DLG2: variants seen among roughly 807,000 people sequenced by gnomAD.
The protein encoded by DLG2 is discs large MAGUK scaffold protein 2, also known as disks large homolog 2.
DLG2 carries 45 observed loss-of-function variants against 132.5 expected under a neutral mutation model. The ratio of observed to expected loss-of-function variants is 0.34; its 90% confidence interval spans 0.27 to 0.44. The LOEUF (loss-of-function observed/expected upper bound fraction) is 0.44. Among genes scored for constraint, DLG2 ranks in the 20% least tolerant of loss-of-function variants. The pLI is 1.00. For missense variants in DLG2, 1,045 were observed against 1,196.9 expected (o/e 0.87, Z 1.87); for synonymous variants, 424 against 419.6 (o/e 1.01, Z -0.13).
At chr11:84,981,867 C>A (rs569616858) in intron 6 of DLG2, among the ~76,000 whole-genome samples, 1 of 152,052 alleles carries the variant, frequency 6.6e-6, no homozygotes, top group Non-Finnish European at 1.5e-5. Flanking sequence ...CCTCACTCCA[C>A]GCAAAGAGCT....
chr11:83,805,403 A>G (rs1406323436), intron 17 of DLG2, among the ~76,000 whole-genome samples: 1 of 151,778 alleles, frequency 6.6e-6, no homozygotes, highest in Admixed American at 6.6e-5. Flanking sequence ...TATTTTTGAT[A>G]TATCATGACA....
At chr11:84,866,944 G>T (rs1566202218) in intron 6 of DLG2, among the ~76,000 whole-genome samples, 1 of 152,048 alleles carries the variant, frequency 6.6e-6, no homozygotes, top group African/African-American at 2.4e-5. Flanking sequence ...TAAAGGCAGG[G>T]GCCATAGTTG....
chr11:84,578,839 C>G (rs2099509614), intron 6 of DLG2, among the ~76,000 whole-genome samples: 1 of 152,098 alleles, frequency 6.6e-6, no homozygotes. Context: ...GGCTGTGACC[C>G]TACCGAAATC....
Position 85,021,140 on chromosome 11 carries a change from T to C in DLG2, c.357+90521A>G, listed in dbSNP as rs2060028011. ...TCATCTGCTTTCAACTTTCCAGACT[T>C]AGAAGATCCCCGCTGCCCATTCTTA... On this transcript the variant is annotated intron_variant, in intron 6 of 27. Transcript: ENST00000376104. The C allele has an allele frequency of 3.2e-5, 26 of 822,488 alleles. No individual in the cohort carries two copies. In the Admixed American group the frequency reaches 4.4e-4, roughly 14 times the overall value. The allele number at this position is 822,488 out of a possible 1,614,324, so 50.9% of individuals were successfully genotyped here.
intron 7 of DLG2, among the ~76,000 whole-genome samples, chr11:84,327,118 T>C (rs1342708753): frequency 1.4e-5 from 2 of 145,934 alleles, no homozygotes; most frequent in African/African-American, 5.1e-5. Context: ...GAATCTTTTT[T>C]TTTTTTTTTT....
rs187698207 is a variant in DLG2, at chr11:83,773,013, A to G, written c.1825+13677T>C. ...TAAAAATAAAGTTAATATACCACCA[A>G]GCATTCACTCATCAAACAGGTAAAT... On this transcript the variant is annotated intron_variant, in intron 18 of 27. Transcript: ENST00000376104. Among the ~76,000 whole-genome samples the G allele has an allele frequency of 1.4e-4, 22 of 152,368 alleles. No homozygotes were observed. The East Asian group carries it at 4.0e-3, about 28-fold the overall frequency.
At chr11:85,258,598 T>TTTGTAAG (rs2152709488) in intron 4 of DLG2, among the ~76,000 whole-genome samples, 1 of 152,314 alleles carries the variant, frequency 6.6e-6, no homozygotes, top group South Asian at 2.1e-4. Context: ...ATTTTTAATG[T>TTTGTAAG]TTGTAAGCAT....
At chr11:84,205,694 A>G (rs1003859215) in intron 8 of DLG2, among the ~76,000 whole-genome samples, 1 of 152,146 alleles carries the variant, frequency 6.6e-6, no homozygotes, top group African/African-American at 2.4e-5. Flanking sequence ...GGACTCAGCT[A>G]AAGTGGTGCT....
At chr11:84,734,622 C>A (rs2063586408) in intron 6 of DLG2, among the ~76,000 whole-genome samples, 1 of 152,234 alleles carries the variant, frequency 6.6e-6, no homozygotes, top group East Asian at 1.9e-4. Context: ...AATTGAATAC[C>A]CTTTATTCCT....
chr11:83,570,934 G>A (rs948563444), intron 19 of DLG2, among the ~76,000 whole-genome samples: 21 of 152,274 alleles, frequency 1.4e-4, no homozygotes, highest in African/African-American at 4.8e-4. Flanking sequence ...CCAGGCTGGA[G>A]TGCAGTGGCC....
chr11:83,474,241 C>A (rs1038109626), intron 22 of DLG2, among the ~76,000 whole-genome samples: 1 of 151,992 alleles, frequency 6.6e-6, no homozygotes, highest in Non-Finnish European at 1.5e-5. Context: ...AAGAATGATT[C>A]CCTTTGAATA....
intron 6 of DLG2, among the ~76,000 whole-genome samples, chr11:85,052,064 T>G (rs1381026809): frequency 6.6e-6 from 1 of 152,158 alleles, no homozygotes; most frequent in African/African-American, 2.4e-5. Flanking sequence ...GCTAGAAAAT[T>G]TCTCTTTTGG....
intron 6 of DLG2, among the ~76,000 whole-genome samples, chr11:84,810,128 T>C (rs908414010): frequency 1.3e-5 from 2 of 152,002 alleles, no homozygotes; most frequent in Admixed American, 6.6e-5. Context: ...TTAATCAAAA[T>C]TGAAAACACT....
At chr11:85,322,231 T>G (rs1453164372) in intron 3 of DLG2, among the ~76,000 whole-genome samples, 1 of 152,068 alleles carries the variant, frequency 6.6e-6, no homozygotes, top group African/African-American at 2.4e-5. Flanking sequence ...CCGCCACCCA[T>G]AAGCCCCTTT....
intron 7 of DLG2, among the ~76,000 whole-genome samples, chr11:84,416,552 A>G (rs979675598): frequency 6.6e-6 from 1 of 152,256 alleles, no homozygotes; most frequent in African/African-American, 2.4e-5. Flanking sequence ...TCTGCTAGAT[A>G]AGAAGGCAAT....
rs1189684480 is a variant in DLG2 at position 83,967,018 on chromosome 11, T to A, written c.1057-1550A>T. On this transcript the variant is annotated intron_variant, in intron 12 of 27. Coordinates refer to ENST00000376104, the MANE Select transcript of DLG2 (RefSeq NM_001142699.3). ...GTTCCTTCTGTTCTGGCTTACTTCA[T>A]TTAGCATAATGCCCTCCAAGTCTAC... Among the ~76,000 whole-genome samples, 4 of 152,114 alleles carry A rather than the reference T, an allele frequency of 2.6e-5. No individual in the cohort carries two copies. The East Asian group carries it at 7.7e-4, about 29-fold the overall frequency.
chr11:84,783,724 T>C (rs952019402), intron 6 of DLG2, among the ~76,000 whole-genome samples: 1 of 152,214 alleles, frequency 6.6e-6, no homozygotes, highest in Non-Finnish European at 1.5e-5. Flanking sequence ...GTCTCAACTC[T>C]AATGCAACTG....
intron 6 of DLG2, among the ~76,000 whole-genome samples, chr11:84,669,895 A>C (rs1595376780): frequency 1.3e-5 from 2 of 152,300 alleles, no homozygotes; most frequent in African/African-American, 4.8e-5. Flanking sequence ...AAGAAAGAGT[A>C]GCATTGAACT....
intron 18 of DLG2, among the ~76,000 whole-genome samples, chr11:83,691,138 A>C (rs2080923411): frequency 6.6e-6 from 1 of 152,126 alleles, no homozygotes; most frequent in Admixed American, 6.6e-5. Flanking sequence ...GTAGGTTCAG[A>C]GAGGTTGTCA....
Sources: gnomAD v4.1 joint callset for allele counts (sites outside exome capture counted in the v4.1 genomes callset) on GRCh38, gnomAD v4.1.1 for gene constraint, MANE v1.5 for transcripts, NCBI Gene and HGNC (gene_info 2026-07-23, HGNC 2026-07-21) for gene names.